GRB14: variants seen among roughly 807,000 people sequenced by gnomAD.
GRB14 encodes the protein growth factor receptor-bound protein 14.
A neutral mutation model predicts 69.1 loss-of-function variants in GRB14; 38 were observed. The observed-to-expected ratio is 0.55, with a 90% confidence interval of 0.42 to 0.72. The LOEUF (loss-of-function observed/expected upper bound fraction) is 0.72, where lower values mean the gene tolerates loss of function less well. GRB14 is among the 30% of genes least tolerant of loss of function. The pLI, the probability that GRB14 is intolerant of heterozygous loss-of-function variation, is 0.00. For missense variants in GRB14, 666 were observed against 666.1 expected, an observed-to-expected ratio of 1.00 and a Z score of 0.00; for synonymous variants, 247 against 241.3, an observed-to-expected ratio of 1.02 and a Z score of -0.22.
chr2:164,504,979 G>A (rs1174443567), intron 8 of GRB14, among the ~76,000 whole-genome samples: 3 of 152,184 alleles, frequency 2.0e-5, no homozygotes, highest in Admixed American at 6.5e-5. Flanking sequence ...CAGACAAGAC[G>A]TCTGGGTGGA....
chr2:164,578,996 G>C (rs1689323388), intron 2 of GRB14, among the ~76,000 whole-genome samples: 2 of 151,858 alleles, frequency 1.3e-5, no homozygotes. Context: ...ACTAAAGTAT[G>C]GACTAACGAA....
chr2:164,560,970 CT>C (rs1296150027), intron 2 of GRB14, among the ~76,000 whole-genome samples: 2 of 151,564 alleles, frequency 1.3e-5, no homozygotes, highest in Non-Finnish European at 3.0e-5. Context: ...AGTCTTGCTT[CT>C]TTTTTTTCCT....
intron 2 of GRB14, among the ~76,000 whole-genome samples, chr2:164,580,163 C>T (rs541120651): frequency 2.5e-4 from 38 of 151,350 alleles, no homozygotes; most frequent in Non-Finnish European, 4.3e-4. Context: ...GGCGTGGTCT[C>T]GCCTCACTGC....
intron 9 of GRB14, among the ~76,000 whole-genome samples, chr2:164,501,827 T>A (rs1559021733): frequency 6.6e-6 from 1 of 151,964 alleles, no homozygotes; most frequent in Non-Finnish European, 1.5e-5. Context: ...TATACTAGAT[T>A]GTGACAATCC....
chr2:164,553,063 C>T (rs185198415), intron 2 of GRB14, among the ~76,000 whole-genome samples: 1 of 152,258 alleles, frequency 6.6e-6, no homozygotes, highest in East Asian at 1.9e-4. Context: ...TCCTGACTAC[C>T]CCCATATGTT....
chr2:164,540,833 C>G (rs1688216078), intron 3 of GRB14, among the ~76,000 whole-genome samples: 1 of 152,138 alleles, frequency 6.6e-6, no homozygotes, highest in Non-Finnish European at 1.5e-5. Context: ...AAAATATAGG[C>G]TTGGTACAAA....
intron 2 of GRB14, among the ~76,000 whole-genome samples, chr2:164,608,200 C>T (rs780120983): frequency 1.3e-5 from 2 of 151,880 alleles, no homozygotes; most frequent in Non-Finnish European, 2.9e-5. Flanking sequence ...GATGAAACAC[C>T]ATCTCTACTA....
At chr2:164,580,949 G>C (rs570817967) in intron 2 of GRB14, among the ~76,000 whole-genome samples, 6 of 152,256 alleles carry the variant, frequency 3.9e-5, no homozygotes, top group East Asian at 1.9e-4. Flanking sequence ...CACACAGCAG[G>C]CTGTTCTATT....
chr2:164,492,845 T>C lies in GRB14; in HGVS notation c.*191A>G. On this transcript the variant is annotated 3_prime_UTR_variant, in exon 14 of 14. Coordinates refer to ENST00000263915, the MANE Select transcript of GRB14 (RefSeq NM_004490.3). ...TTTCCTAAGGTTTAATTTTAACTAA[T>C]GAATTTTAAATGATGAATGTAAAGT... 2.1e-6 allele frequency: 1 copy of C among 470,452 alleles called. No individual in the cohort carries two copies. The highest frequency in any genetic ancestry group is 3.7e-6 in the Non-Finnish European group (1 of 272,986). The allele number at this position is 470,452 out of a possible 1,614,324, so 29.1% of individuals were successfully genotyped here. A position where few individuals can be genotyped will look rare whatever the true frequency, so the allele number is the denominator to read the frequency against.
At chr2:164,583,004 T>A (rs1407968767) in intron 2 of GRB14, among the ~76,000 whole-genome samples, 1 of 152,174 alleles carries the variant, frequency 6.6e-6, no homozygotes, top group African/African-American at 2.4e-5. Flanking sequence ...GACTCTCTAC[T>A]GAAGAGCAGT....
rs192458955 is a variant in GRB14, at chr2:164,509,085, C to T, written c.817-233G>A. On this transcript the variant is annotated intron_variant, in intron 6 of 13. Transcript: ENST00000263915. ...AAAATTTTGTTTATAATTTAATTTC[C>T]AATAATATAAATAAATTCCTGTTTT... is the stretch of plus-strand genomic sequence containing the variant. 1.8e-3 allele frequency among the ~76,000 whole-genome samples: 275 copies of T among 151,960 alleles called. No individual in the cohort carries two copies. Among genetic ancestry groups the T allele is most frequent in the African/African-American group, 6.5e-3 (270 of 41,428 alleles).
At chr2:164,592,228 G>A (rs547553002) in intron 2 of GRB14, among the ~76,000 whole-genome samples, 2 of 151,964 alleles carry the variant, frequency 1.3e-5, no homozygotes, top group African/African-American at 4.8e-5. Context: ...TCCGCCTCCC[G>A]GGTTCACGCC....
chr2:164,520,810 T>C (rs1559031979), intron 6 of GRB14, among the ~76,000 whole-genome samples: 1 of 152,194 alleles, frequency 6.6e-6, no homozygotes, highest in Non-Finnish European at 1.5e-5. Flanking sequence ...CACAATGTGA[T>C]GCCACCTTAC....
chr2:164,575,362 G>A (rs1031434221), intron 2 of GRB14, among the ~76,000 whole-genome samples: 1 of 152,084 alleles, frequency 6.6e-6, no homozygotes, highest in Non-Finnish European at 1.5e-5. Context: ...GTAAAAACCT[G>A]AGTGAAATAA....
At chr2:164,563,566 C>T (rs1381801035) in intron 2 of GRB14, among the ~76,000 whole-genome samples, 1 of 152,154 alleles carries the variant, frequency 6.6e-6, no homozygotes, top group African/African-American at 2.4e-5. Context: ...AACAGGATGA[C>T]TGGAAATTTA....
At chr2:164,602,832 A>G (rs909709757) in intron 2 of GRB14, among the ~76,000 whole-genome samples, 10 of 152,226 alleles carry the variant, frequency 6.6e-5, no homozygotes, top group African/African-American at 2.4e-4. Context: ...CACCTAACAT[A>G]TATCTATTAT....
At chr2:164,551,055 C>G (rs1321365873) in intron 2 of GRB14, among the ~76,000 whole-genome samples, 2 of 152,152 alleles carry the variant, frequency 1.3e-5, no homozygotes, top group Non-Finnish European at 2.9e-5. Flanking sequence ...ATCTTAAAAT[C>G]AGCCATGATG....
At chr2:164,504,831 T>G (rs1228140490) in intron 8 of GRB14, among the ~76,000 whole-genome samples, 1 of 152,158 alleles carries the variant, frequency 6.6e-6, no homozygotes, top group Non-Finnish European at 1.5e-5. Context: ...GGTCCTGGAT[T>G]ATCCATGTGG....
intron 3 of GRB14, among the ~76,000 whole-genome samples, chr2:164,543,398 G>T (rs1243433268): frequency 1.3e-5 from 2 of 151,836 alleles, no homozygotes; most frequent in African/African-American, 4.8e-5. Flanking sequence ...AAGAAATAAA[G>T]CCACACTCCT....
Sources: allele counts gnomAD v4.1 joint callset (sites outside exome capture counted in the v4.1 genomes callset), GRCh38; gene constraint gnomAD v4.1.1; transcripts MANE v1.5; gene names NCBI Gene and HGNC (gene_info 2026-07-23, HGNC 2026-07-21).